Variants in RASSF5 observed in about 807,000 individuals in gnomAD.
The protein encoded by RASSF5 is ras association domain-containing protein 5.
In RASSF5, 25 loss-of-function variants were observed where a neutral mutation model predicts 40.5. That is an observed-to-expected ratio of 0.62 (90% CI 0.45 to 0.86). The LOEUF (loss-of-function observed/expected upper bound fraction) is 0.86. RASSF5 is among the 40% of genes least tolerant of loss of function. RASSF5 has a pLI of 0.00. For synonymous variants in RASSF5, 246 were observed against 252.4 expected, an observed-to-expected ratio of 0.97 and a Z score of 0.24; for missense variants, 521 against 572.8, an observed-to-expected ratio of 0.91 and a Z score of 0.92.
chr1:206,554,506 G>A lies in RASSF5; in HGVS notation c.579+16213G>A, dbSNP rs75865490. ...GGGGCTTTCTGAACCCCAGCACGAC[G>A]CCATGGATTTAGGGCTCTGGCTGCT... On this transcript the variant is annotated intron_variant, in intron 2 of 5. Coordinates refer to ENST00000579436, the MANE Select transcript of RASSF5 (RefSeq NM_182663.4). Among the ~76,000 whole-genome samples the A allele has an allele frequency of 1.0e-3, 152 of 152,264 alleles. No individual in the cohort carries two copies. In the East Asian group the frequency reaches 0.027, roughly 27 times the overall value.
chr1:206,527,111 C>G (rs948489023), intron 1 of RASSF5, among the ~76,000 whole-genome samples: 4 of 152,162 alleles, frequency 2.6e-5, no homozygotes, highest in Non-Finnish European at 2.9e-5. Context: ...TCATGTGACT[C>G]CAGAGTCCAG....
intron 2 of RASSF5, among the ~76,000 whole-genome samples, chr1:206,567,159 G>T (rs994509010): frequency 6.6e-6 from 1 of 152,204 alleles, no homozygotes; most frequent in Non-Finnish European, 1.5e-5. Flanking sequence ...AGCTGTTTGC[G>T]CTGGAGGAAG....
chr1:206,561,619 G>T (rs1292537194), intron 2 of RASSF5, among the ~76,000 whole-genome samples: 2 of 150,474 alleles, frequency 1.3e-5, no homozygotes, highest in African/African-American at 4.9e-5. Context: ...TGGATACAAA[G>T]AACAGAAGGT....
At chr1:206,530,518 C>T (rs1667211353) in intron 1 of RASSF5, among the ~76,000 whole-genome samples, 1 of 152,144 alleles carries the variant, frequency 6.6e-6, no homozygotes, top group Non-Finnish European at 1.5e-5. Context: ...GAATAAATTC[C>T]TGCAGGAAAT....
intron 1 of RASSF5, among the ~76,000 whole-genome samples, 163 bp from the exon 2 acceptor site, chr1:206,538,009 C>T (rs371471093): frequency 1.7e-4 from 26 of 152,306 alleles, no homozygotes; most frequent in African/African-American, 5.3e-4. Context: ...CTGGGGGATC[C>T]GAGAGCAGGG....
chr1:206,558,802 C>A (rs917672189), intron 2 of RASSF5, among the ~76,000 whole-genome samples: 46 of 152,144 alleles, frequency 3.0e-4, no homozygotes, highest in Non-Finnish European at 8.8e-5. Context: ...CACCTGTTTT[C>A]CAGGGCACCA....
At chr1:206,538,600 G>C (rs1290832187) in intron 2 of RASSF5, among the ~76,000 whole-genome samples, 1 of 152,184 alleles carries the variant, frequency 6.6e-6, no homozygotes, top group East Asian at 1.9e-4. Context: ...CCTTCTGACG[G>C]TCCCTAAAGG....
chr1:206,557,740 C>T (rs1553402009), intron 2 of RASSF5: 1 of 1,592,870 alleles, frequency 6.3e-7, no homozygotes, highest in Non-Finnish European at 8.6e-7. Flanking sequence ...GGGGAAATAA[C>T]CTCTGTGGTC....
intron 1 of RASSF5, among the ~76,000 whole-genome samples, chr1:206,510,166 G>A (rs1246628819): frequency 6.6e-6 from 1 of 152,208 alleles, no homozygotes; most frequent in Non-Finnish European, 1.5e-5. Flanking sequence ...AACTCGCTGA[G>A]CATCTTTCTT....
intron 1 of RASSF5, among the ~76,000 whole-genome samples, chr1:206,519,776 A>G (rs1666856805): frequency 6.6e-6 from 1 of 152,200 alleles, no homozygotes; most frequent in Non-Finnish European, 1.5e-5. Context: ...TATGAAAAAT[A>G]CGATTTTTCT....
intron 2 of RASSF5, 39 bp from the exon 3 acceptor site, chr1:206,583,230 A>C: frequency 7.4e-7 from 1 of 1,352,212 alleles, no homozygotes; most frequent in African/African-American, 1.4e-5. Context: ...CACCCTGAGA[A>C]CTACTACACA....
chr1:206,558,833 G>A (rs1668066031), intron 2 of RASSF5, among the ~76,000 whole-genome samples: 1 of 152,154 alleles, frequency 6.6e-6, no homozygotes, highest in Non-Finnish European at 1.5e-5. Context: ...TGGAGAGCAG[G>A]GGATGTTCCA....
At chr1:206,516,541 C>T (rs914019080) in intron 1 of RASSF5, among the ~76,000 whole-genome samples, 1 of 152,120 alleles carries the variant, frequency 6.6e-6, no homozygotes, top group Non-Finnish European at 1.5e-5. Flanking sequence ...ACCGCAACCT[C>T]TGCCTCCTGG....
chr1:206,574,796 G>A (rs1476883149), intron 2 of RASSF5, among the ~76,000 whole-genome samples: 3 of 151,658 alleles, frequency 2.0e-5, no homozygotes, highest in Admixed American at 2.0e-4. Context: ...CTGCAGTAAG[G>A]CCCCATAGGG....
intron 2 of RASSF5, among the ~76,000 whole-genome samples, chr1:206,551,056 G>A (rs961279976): frequency 6.6e-6 from 1 of 152,064 alleles, no homozygotes; most frequent in East Asian, 1.9e-4. Flanking sequence ...GTTATTCTGT[G>A]GCCACCAGAA....
In RASSF5 at chr1:206,584,744, C is replaced by T. The variant is rs782235473; in HGVS notation, c.988+60C>T. The T allele has an allele frequency of 1.9e-5, 30 of 1,581,776 alleles. No individual in the cohort carries two copies. The African/African-American group carries it at 3.9e-4, about 21-fold the overall frequency. On this transcript the variant is annotated intron_variant, in intron 4 of 5. Transcript: ENST00000579436. This position sits in a 1 kb window ranked among gnomAD's most constrained non-coding sequence, Gnocchi z 4.9. ...CTTCCTACCTGTGTCCAAGCCCACC[C>T]ACTAAAACTCCTGCCGGCCTTGGGT...
rs554055017 is a variant in RASSF5 at position 206,556,212 on chromosome 1, AC to A, written c.579+17920del. ...CATCATTGCTGAGGGTCTGTACATGACAGTGACTGGGGCGTAGGCAGCTGCA... is the reference window on the plus strand; with the variant it reads ...CATCATTGCTGAGGGTCTGTACATGAAGTGACTGGGGCGTAGGCAGCTGCA... On this transcript the variant is annotated intron_variant, in intron 2 of 5. Coordinates refer to ENST00000579436, the MANE Select transcript of RASSF5 (RefSeq NM_182663.4). 2.6e-4 allele frequency among the ~76,000 whole-genome samples: 39 copies of A among 152,326 alleles called. No individual in the cohort carries two copies. The South Asian group carries it at 8.1e-3, about 32-fold the overall frequency.
In RASSF5 at chr1:206,507,728, G is replaced by C. The variant is rs1553393992; in HGVS notation, c.126G>C (p.Ser42=). 3 of 1,481,192 alleles carry C rather than the reference G, an allele frequency of 2.0e-6. No individual in the cohort carries two copies. The highest frequency in any genetic ancestry group is 2.7e-6 in the Non-Finnish European group (3 of 1,123,072). 91.8% of individuals were successfully genotyped at this position (1,481,192 alleles called of 1,614,324 possible). ...ELPPPPPDRS[S]RLCVPAPLST... ...CGCCGCCGCCCCCCGACCGGTCCTC[G>C]CGCCTCTGTGTCCCGGCGCCCCTCT... Residue 42 remains serine (S), a synonymous_variant, in exon 1 of 6, where the codon TCG becomes TCC. Transcript: ENST00000579436.
intron 2 of RASSF5, among the ~76,000 whole-genome samples, chr1:206,561,824 C>A (rs1553402695): frequency 7.0e-6 from 1 of 143,810 alleles, no homozygotes; most frequent in South Asian, 2.3e-4. Flanking sequence ...CACCACCACA[C>A]CCAGCTAAGT....
Sources: gnomAD v4.1 joint callset for allele counts (sites outside exome capture counted in the v4.1 genomes callset) on GRCh38, gnomAD v4.1.1 for gene constraint, Gnocchi (gnomAD v3.1) non-coding constraint, MANE v1.5 for transcripts, NCBI Gene and HGNC (gene_info 2026-07-23, HGNC 2026-07-21) for gene names.